The following PIK3C2G variants were observed in gnomAD, a reference collection of about 807,000 sequenced individuals.
PIK3C2G encodes phosphatidylinositol 3-kinase C2 domain-containing subunit gamma.
PIK3C2G carries 168 observed loss-of-function variants against 181.1 expected under a neutral mutation model. The ratio of observed to expected loss-of-function variants is 0.93; its 90% confidence interval spans 0.82 to 1.05. The LOEUF is 1.05. Among genes scored for constraint, PIK3C2G ranks in the 50% least tolerant of loss-of-function variants. The probability of loss-of-function intolerance (pLI) is 0.00; values close to 1 mark genes in which losing one functional copy is unlikely to be tolerated. For synonymous variants in PIK3C2G, 573 were observed against 592.2 expected (o/e 0.97, Z 0.47); for missense variants, 1,869 against 1,732.8 (o/e 1.08, Z -1.40).
chr12:18,290,821 G>T (rs750494751), intron 3 of PIK3C2G, 34 bp from the exon 4 acceptor site: 5 of 1,407,064 alleles, frequency 3.6e-6, no homozygotes, highest in Non-Finnish European at 5.0e-6. Flanking sequence ...TGCAGGTCTT[G>T]TCCTAAGTAT....
the PIK3C2G span, among the ~76,000 whole-genome samples, chr12:18,675,312 G>A: frequency 6.6e-6 from 1 of 152,106 alleles, no homozygotes; most frequent in Non-Finnish European, 1.5e-5. Flanking sequence ...AAGCCACTCT[G>A]TTTTGGGGAA....
chr12:18,373,949 T>C (rs1380869056), intron 13 of PIK3C2G, among the ~76,000 whole-genome samples: 1 of 152,176 alleles, frequency 6.6e-6, no homozygotes, highest in Admixed American at 6.5e-5. Context: ...CATCTGCATT[T>C]GTAATGTAGC....
chr12:18,553,391 C>A (rs1301933460), intron 26 of PIK3C2G, among the ~76,000 whole-genome samples: 4 of 152,142 alleles, frequency 2.6e-5, no homozygotes, highest in Admixed American at 1.3e-4. Context: ...GCCCATCAAC[C>A]CTTCCCTGGT....
chr12:18,682,648 G>T, the PIK3C2G span, among the ~76,000 whole-genome samples: 2 of 151,958 alleles, frequency 1.3e-5, no homozygotes, highest in African/African-American at 2.4e-5. Flanking sequence ...CTCTTTTATA[G>T]ATACGGAGTC....
In PIK3C2G at chr12:18,282,231, A is replaced by T. The variant is rs1287136500; in HGVS notation, c.150A>T (p.Lys50Asn). 6.2e-7 allele frequency: 1 copy of T among 1,613,680 alleles called. No individual in the cohort carries two copies. Among genetic ancestry groups the T allele is most frequent in the African/African-American group, 1.3e-5 (1 of 75,032 alleles). The change falls in exon 2 of 33, where the codon AAA becomes AAT. Residue 50 changes from lysine to asparagine, a missense_variant. Physicochemically the swap from Lys to Asn is moderately conservative, Grantham distance 94. Transcript: ENST00000538779. Reference protein sequence around the residue: ...FDQIVDEISGKIPHYESEIDE... With the variant: ...FDQIVDEISGNIPHYESEIDE... ...AGATAGTAGATGAGATCAGTGGCAA[A>T]ATTCCACACTACGAGAGTGAAATTG...
intron 29 of PIK3C2G, among the ~76,000 whole-genome samples, chr12:18,576,176 C>T (rs1946223459): frequency 1.3e-5 from 2 of 152,058 alleles, no homozygotes; most frequent in Non-Finnish European, 2.9e-5. Context: ...ACAAAATAAA[C>T]ATTCATAGTA....
At chr12:18,687,549 T>A in the PIK3C2G span, among the ~76,000 whole-genome samples, 1 of 152,148 alleles carries the variant, frequency 6.6e-6, no homozygotes, top group Non-Finnish European at 1.5e-5. Context: ...GCCAGAATGA[T>A]GAAAATCTTA....
intron 24 of PIK3C2G, among the ~76,000 whole-genome samples, chr12:18,534,249 C>T (rs1325377166): frequency 6.6e-6 from 1 of 152,120 alleles, no homozygotes; most frequent in Admixed American, 6.5e-5. Context: ...CATGCCCAGC[C>T]TCTTGCTATT....
At chr12:18,513,352 A>G (rs899313955) in intron 24 of PIK3C2G, among the ~76,000 whole-genome samples, 1 of 147,016 alleles carries the variant, frequency 6.8e-6, no homozygotes, top group African/African-American at 2.5e-5. Context: ...ATTTTTGTGG[A>G]AGAGTTTGAA....
chr12:18,525,395 A>G (rs1943169774), intron 24 of PIK3C2G, among the ~76,000 whole-genome samples: 2 of 135,260 alleles, frequency 1.5e-5, no homozygotes, highest in South Asian at 4.2e-4. Context: ...CCCCATCTCA[A>G]AAAAAAAAAT....
intron 31 of PIK3C2G, among the ~76,000 whole-genome samples, chr12:18,629,468 A>G (rs1949251660): frequency 6.6e-6 from 1 of 152,150 alleles, no homozygotes; most frequent in South Asian, 2.1e-4. Context: ...CAAGGCCCCA[A>G]GGAAGGAACA....
chr12:18,317,765 T>C (rs953850411), intron 6 of PIK3C2G, among the ~76,000 whole-genome samples: 2 of 152,180 alleles, frequency 1.3e-5, no homozygotes, highest in Non-Finnish European at 2.9e-5. Flanking sequence ...AAAGCAAAAA[T>C]TCTGGTTTCA....
At chr12:18,417,933 G>A (rs1289626470) in intron 16 of PIK3C2G, among the ~76,000 whole-genome samples, 1 of 151,990 alleles carries the variant, frequency 6.6e-6, no homozygotes, top group Non-Finnish European at 1.5e-5. Context: ...ATTTATATGA[G>A]TGGTATTTAT....
intron 13 of PIK3C2G, among the ~76,000 whole-genome samples, chr12:18,372,991 A>T (rs1431596516): frequency 2.6e-5 from 4 of 152,350 alleles, no homozygotes; most frequent in African/African-American, 9.6e-5. Context: ...TTCAACAATT[A>T]CACAATAAGG....
intron 1 of PIK3C2G, among the ~76,000 whole-genome samples, chr12:18,262,732 G>A (rs1275003925): frequency 6.6e-6 from 1 of 152,024 alleles, no homozygotes; most frequent in Non-Finnish European, 1.5e-5. Context: ...CCAAGGCTAT[G>A]ATTTCACTTT....
chr12:18,650,293 TTCTCTCTCTCTCTCTC>T (rs140285960), downstream of PIK3C2G, among the ~76,000 whole-genome samples: 2,403 of 87,728 alleles, frequency 0.027, 38 homozygotes, highest in Middle Eastern at 0.058. Flanking sequence ...TAACCCAAAT[TTCTCTCTCTCTCTCTC>T]TCTCTCTCTC....
chr12:18,688,015 C>T, the PIK3C2G span: 1 of 1,569,060 alleles, frequency 6.4e-7, no homozygotes, highest in Non-Finnish European at 8.7e-7. Context: ...TACAAAAACT[C>T]TATCAACATA....
At chr12:18,455,485 T>C (rs552995935) in intron 18 of PIK3C2G, among the ~76,000 whole-genome samples, 1 of 152,304 alleles carries the variant, frequency 6.6e-6, no homozygotes, top group Non-Finnish European at 1.5e-5. Context: ...AGAATTTTAA[T>C]TGCTATAAAT....
At chr12:18,562,083 C>T (rs1268790690) in intron 26 of PIK3C2G, among the ~76,000 whole-genome samples, 1 of 152,184 alleles carries the variant, frequency 6.6e-6, no homozygotes, top group Non-Finnish European at 1.5e-5. Flanking sequence ...TAATTATAAG[C>T]TGGAATTAAA....
Sources: allele counts gnomAD v4.1 joint callset (sites outside exome capture counted in the v4.1 genomes callset), GRCh38; gene constraint gnomAD v4.1.1; transcripts MANE v1.5; gene names NCBI Gene and HGNC (gene_info 2026-07-23, HGNC 2026-07-21).